Variants in JMJD1C observed in about 807,000 individuals in gnomAD.
The protein encoded by JMJD1C is jumonji domain-containing protein 1C.
A neutral mutation model predicts 245.3 loss-of-function variants in JMJD1C; 31 were observed. The ratio of observed to expected loss-of-function variants is 0.13; its 90% CI spans 0.09 to 0.17. The LOEUF (loss-of-function observed/expected upper bound fraction) is 0.17, where lower values mean the gene tolerates loss of function less well. Among genes scored for constraint, JMJD1C ranks in the 10% least tolerant of loss-of-function variants. The pLI is 1.00. For synonymous variants in JMJD1C, 1,057 were observed against 1,017.4 expected (o/e 1.04, Z -0.74); for missense variants, 2,691 against 3,000.2 (o/e 0.90, Z 2.41).
chr10:63,335,728 C>T (rs1942654232), intron 2 of JMJD1C, among the ~76,000 whole-genome samples: 1 of 151,516 alleles, frequency 6.6e-6, no homozygotes, highest in African/African-American at 2.4e-5. Context: ...CCAGACTGTT[C>T]TTGAACTCCT....
chr10:63,354,857 CAAA>C (rs148651978), intron 2 of JMJD1C, among the ~76,000 whole-genome samples: 2 of 94,924 alleles, frequency 2.1e-5, no homozygotes, highest in Non-Finnish European at 2.3e-5. Flanking sequence ...TCTACTTTAA[CAAA>C]AAAAAAAAAA....
chr10:63,190,635 T>C (rs997290683), intron 17 of JMJD1C, among the ~76,000 whole-genome samples: 1 of 152,104 alleles, frequency 6.6e-6, no homozygotes, highest in African/African-American at 2.4e-5. Context: ...ACTAGACAAA[T>C]AGTTTCCAAA....
intron 24 of JMJD1C, among the ~76,000 whole-genome samples, chr10:63,169,195 T>C (rs1481083901): frequency 6.6e-6 from 1 of 152,164 alleles, no homozygotes; most frequent in Non-Finnish European, 1.5e-5. Context: ...ACAACAGTTT[T>C]TCAACAGTTT....
intron 1 of JMJD1C, among the ~76,000 whole-genome samples, chr10:63,452,681 C>T (rs1036043305): frequency 6.6e-6 from 1 of 151,910 alleles, no homozygotes; most frequent in Non-Finnish European, 1.5e-5. Flanking sequence ...ATCCTTCTAC[C>T]CTTTGGTAGA....
At chr10:63,328,509 C>A (rs1349189878) in intron 2 of JMJD1C, among the ~76,000 whole-genome samples, 1 of 152,128 alleles carries the variant, frequency 6.6e-6, no homozygotes, top group African/African-American at 2.4e-5. Context: ...GATGTTTTGT[C>A]TGTATTTCCA....
rs956364324 is a variant in JMJD1C at position 63,476,103 on chromosome 10, G to C, written n.113+45635C>G. Among the ~76,000 whole-genome samples, 6 of 151,940 alleles carry C rather than the reference G, an allele frequency of 3.9e-5. No individual in the cohort carries two copies. In the South Asian group the frequency reaches 6.2e-4, roughly 16 times the overall value. On this transcript the variant is annotated intron_variant and non_coding_transcript_variant, in intron 1 of 3. Transcript: ENST00000633035. ...CAGGTGCCTGTAATCCCAGCTACTCGAGAGGCTGAGGCAGGAGAATTCCTT... is the reference window on the plus strand; with the variant it reads ...CAGGTGCCTGTAATCCCAGCTACTCCAGAGGCTGAGGCAGGAGAATTCCTT...
At chr10:63,347,193 C>A (rs1943905871) in intron 2 of JMJD1C, among the ~76,000 whole-genome samples, 2 of 151,404 alleles carry the variant, frequency 1.3e-5, no homozygotes, top group Non-Finnish European at 2.9e-5. Flanking sequence ...CTCAGCCTCC[C>A]AAGTAGCTAA....
At chr10:63,458,658 T>C (rs1427465347) in intron 1 of JMJD1C, among the ~76,000 whole-genome samples, 1 of 152,140 alleles carries the variant, frequency 6.6e-6, no homozygotes, top group Admixed American at 6.5e-5. Flanking sequence ...ATCCAAACTC[T>C]TTCAACATAT....
At chr10:63,211,493 C>T (rs924837407) in intron 8 of JMJD1C, among the ~76,000 whole-genome samples, 5 of 149,326 alleles carry the variant, frequency 3.3e-5, no homozygotes, top group African/African-American at 9.8e-5. Context: ...GTTTATCTAT[C>T]ACAACTTGGG....
In JMJD1C at chr10:63,189,241, T is replaced by C; in HGVS notation, c.6497A>G (p.His2166Arg). Residue 2166 changes from histidine (H) to arginine (R), a missense_variant, in exon 18 of 26, where the codon CAT (histidine) becomes CGT (arginine). By Grantham distance (29) the His-to-Arg change is conservative (BLOSUM62 0). Around this residue, in one of 9 missense-constraint regions of JMJD1C, gnomAD observed 275 missense variants for 285.5 expected, o/e 0.96. Transcript: ENST00000399262. ...DIPHSWICEK[H>R]ILWLKDYKNS... ...CTTATAATCCTTAAGCCATAAAATA[T>C]GCTTCTCACAGATCCAAGAATGTGG... 6.2e-7 allele frequency: 1 copy of C among 1,612,910 alleles called. No individual in the cohort carries two copies. Among genetic ancestry groups the C allele is most frequent in the Non-Finnish European group, 8.5e-7 (1 of 1,179,096 alleles).
intron 2 of JMJD1C, among the ~76,000 whole-genome samples, chr10:63,368,730 T>C (rs1946058938): frequency 6.6e-6 from 1 of 152,156 alleles, no homozygotes; most frequent in Non-Finnish European, 1.5e-5. Context: ...TCAGCTGCCC[T>C]GGCCGGAGTG....
intron 3 of JMJD1C, among the ~76,000 whole-genome samples, chr10:63,251,722 T>C (rs1439111262): frequency 3.9e-5 from 6 of 152,228 alleles, no homozygotes; most frequent in African/African-American, 1.4e-4. Context: ...TTGCTGTCTG[T>C]TGCCCACTTC....
intron 14 of JMJD1C, 104 bp downstream of exon 14, chr10:63,194,182 T>C: frequency 1.3e-6 from 1 of 764,616 alleles, no homozygotes; most frequent in Non-Finnish European, 2.4e-6. Flanking sequence ...TCAAAACTAG[T>C]TAAATCTCTC....
At chr10:63,407,877 AAATAC>A (rs528372828) in intron 1 of JMJD1C, among the ~76,000 whole-genome samples, 101 of 152,148 alleles carry the variant, frequency 6.6e-4, no homozygotes, top group African/African-American at 2.0e-3. Flanking sequence ...CAGAAATAAA[AAATAC>A]AATAGGTTTA....
chr10:63,312,457 T>C (rs1186261757), intron 2 of JMJD1C, among the ~76,000 whole-genome samples: 1 of 152,176 alleles, frequency 6.6e-6, no homozygotes, highest in African/African-American at 2.4e-5. Flanking sequence ...AAATATTACA[T>C]GTATCTGTGC....
intron 1 of JMJD1C, among the ~76,000 whole-genome samples, chr10:63,462,027 C>T (rs1952831300): frequency 6.6e-6 from 1 of 152,086 alleles, no homozygotes. Flanking sequence ...AAAAGTAGAA[C>T]AGCAGTAATG....
Position 63,214,268 on chromosome 10 carries a change from A to C in JMJD1C, c.1899T>G (p.Thr633=). The change falls in exon 8 of 26, where the codon ACT becomes ACG. Residue 633 remains threonine, a synonymous_variant. Coordinates refer to ENST00000399262, the MANE Select transcript of JMJD1C (RefSeq NM_032776.3). ...IKSKLNTSVD[T]HKIKSSPSPE... Reference sequence around the variant, plus strand: ...GTGATGGGCTGGATTTTATCTTGTGAGTATCTACTGAAGTATTAAGTTTAG... The same window carrying C: ...GTGATGGGCTGGATTTTATCTTGTGCGTATCTACTGAAGTATTAAGTTTAG... The C allele has an allele frequency of 6.2e-7, 1 of 1,614,000 alleles. No homozygotes were observed. The highest frequency in any genetic ancestry group is 8.5e-7 in the Non-Finnish European group (1 of 1,179,954).
At chr10:63,354,354 T>C (rs1480767591) in intron 2 of JMJD1C, among the ~76,000 whole-genome samples, 1 of 152,234 alleles carries the variant, frequency 6.6e-6, no homozygotes, top group African/African-American at 2.4e-5. Context: ...ATTTTTATTG[T>C]TTGAACATAT....
chr10:63,392,491 A>C (rs1013491029), intron 1 of JMJD1C, among the ~76,000 whole-genome samples: 15 of 152,112 alleles, frequency 9.9e-5, no homozygotes, highest in Non-Finnish European at 2.1e-4. Context: ...ATAATTCAGA[A>C]TATATGAGAA....
Sources: allele counts gnomAD v4.1 joint callset (sites outside exome capture counted in the v4.1 genomes callset), GRCh38; gene constraint gnomAD v4.1.1; regional missense constraint gnomAD v4.1.1; transcripts MANE v1.5; gene names NCBI Gene and HGNC (gene_info 2026-07-23, HGNC 2026-07-21).